Variants in ROBO1 observed in about 807,000 individuals in gnomAD.
ROBO1 encodes roundabout homolog 1.
A neutral mutation model predicts 195.9 loss-of-function variants in ROBO1; 149 were observed. The ratio of observed to expected loss-of-function variants is 0.76; its 90% CI spans 0.67 to 0.87. ROBO1 has a LOEUF of 0.87. ROBO1 is among the 40% of genes least tolerant of loss of function. The pLI, the probability that ROBO1 is intolerant of heterozygous loss-of-function variation, is 0.00. For missense variants in ROBO1, 1,933 were observed against 2,068.3 expected, an observed-to-expected ratio of 0.93 and a Z score of 1.27; for synonymous variants, 816 against 733.2, an observed-to-expected ratio of 1.11 and a Z score of -1.82.
chr3:78,743,924 T>A lies in ROBO1; in HGVS notation c.657+2819A>T, dbSNP rs115025740. On this transcript the variant is annotated intron_variant, in intron 5 of 30. Transcript: ENST00000464233. ...AAAAGCTGGGAAGTAGAGTGTTTCA[T>A]CCGCCAGAAGGACGGGAGAACTGCA... Among the ~76,000 whole-genome samples, 570 of 152,298 alleles carry A rather than the reference T, an allele frequency of 3.7e-3. 1 individual carries two copies. The highest frequency in any genetic ancestry group is 6.7e-3 in the Non-Finnish European group (457 of 68,026).
chr3:78,974,414 G>T (rs1291493762), intron 3 of ROBO1, among the ~76,000 whole-genome samples: 1 of 152,110 alleles, frequency 6.6e-6, no homozygotes, highest in Non-Finnish European at 1.5e-5. Flanking sequence ...CATGGTAGCG[G>T]CTGTGGATTC....
intron 2 of ROBO1, among the ~76,000 whole-genome samples, chr3:79,352,572 C>T (rs1329048902): frequency 6.6e-6 from 1 of 152,176 alleles, no homozygotes; most frequent in African/African-American, 2.4e-5. Flanking sequence ...TAGAGCTTCA[C>T]GTAACCACCA....
At chr3:79,264,753 T>A (rs1038296229) in intron 2 of ROBO1, among the ~76,000 whole-genome samples, 1 of 151,916 alleles carries the variant, frequency 6.6e-6, no homozygotes, top group Non-Finnish European at 1.5e-5. Context: ...ATACAAGGCA[T>A]TGAATGACAT....
chr3:78,956,435 G>A (rs1199661019), intron 3 of ROBO1, among the ~76,000 whole-genome samples: 1 of 152,004 alleles, frequency 6.6e-6, no homozygotes, highest in Non-Finnish European at 1.5e-5. Flanking sequence ...CTTGAGAGTG[G>A]TGTAATTCTT....
chr3:79,626,070 T>A (rs1945168993), intron 1 of ROBO1, among the ~76,000 whole-genome samples: 1 of 152,170 alleles, frequency 6.6e-6, no homozygotes, highest in African/African-American at 2.4e-5. Context: ...ATCCATCACA[T>A]AAACAGAACC....
chr3:79,068,928 T>C (rs559301943), intron 3 of ROBO1, among the ~76,000 whole-genome samples: 6 of 152,074 alleles, frequency 3.9e-5, no homozygotes, highest in Admixed American at 3.9e-4. Flanking sequence ...ATCATGCATA[T>C]TCTTTCTTCC....
chr3:78,675,454 A>C (rs1708355437), intron 10 of ROBO1, among the ~76,000 whole-genome samples: 1 of 152,010 alleles, frequency 6.6e-6, no homozygotes, highest in African/African-American at 2.4e-5. Context: ...AAATCGGGTC[A>C]CTCCCACCCT....
chr3:79,040,242 G>A (rs1366242557), intron 3 of ROBO1, among the ~76,000 whole-genome samples: 4 of 152,120 alleles, frequency 2.6e-5, no homozygotes, highest in African/African-American at 4.8e-5. Flanking sequence ...GATGTACGTC[G>A]CATCAATGGT....
At chr3:79,733,065 A>T (rs1703222010) in intron 1 of ROBO1, among the ~76,000 whole-genome samples, 1 of 152,190 alleles carries the variant, frequency 6.6e-6, no homozygotes. Flanking sequence ...TGAATCTTCC[A>T]TCAAATTACT....
intron 2 of ROBO1, among the ~76,000 whole-genome samples, chr3:79,163,617 G>T (rs897936477): frequency 6.6e-6 from 1 of 152,040 alleles, no homozygotes; most frequent in Non-Finnish European, 1.5e-5. Flanking sequence ...GTTTTTTACA[G>T]CAGTTGTATC....
At chr3:79,381,736 G>A (rs2036582269) in intron 2 of ROBO1, among the ~76,000 whole-genome samples, 1 of 151,722 alleles carries the variant, frequency 6.6e-6, no homozygotes, top group Admixed American at 6.6e-5. Flanking sequence ...AACTTTATTA[G>A]TTTTCCTACA....
At chr3:79,536,149 T>G (rs1941852583) in intron 2 of ROBO1, among the ~76,000 whole-genome samples, 1 of 152,176 alleles carries the variant, frequency 6.6e-6, no homozygotes, top group South Asian at 2.1e-4. Context: ...AGGATTGCTC[T>G]GAAATGCTCT....
intron 2 of ROBO1, among the ~76,000 whole-genome samples, chr3:79,147,090 ATTTTC>A (rs2080668524): frequency 6.6e-6 from 1 of 151,950 alleles, no homozygotes; most frequent in South Asian, 2.1e-4. Context: ...AATGTTCTGA[ATTTTC>A]TTTTCAAATA....
chr3:79,701,029 ATTC>A (rs1947607581), intron 1 of ROBO1, among the ~76,000 whole-genome samples: 1 of 151,804 alleles, frequency 6.6e-6, no homozygotes, highest in Non-Finnish European at 1.5e-5. Flanking sequence ...GTCCAGTTTC[ATTC>A]TTCTGCATAT....
intron 2 of ROBO1, among the ~76,000 whole-genome samples, chr3:79,559,647 G>A (rs879868203): frequency 2.0e-5 from 3 of 152,082 alleles, no homozygotes; most frequent in Non-Finnish European, 4.4e-5. Context: ...GGCTGGGTGC[G>A]GTGGCTCACA....
At chr3:79,581,866 C>T (rs956954627) in intron 2 of ROBO1, among the ~76,000 whole-genome samples, 1 of 151,894 alleles carries the variant, frequency 6.6e-6, no homozygotes, top group African/African-American at 2.4e-5. Flanking sequence ...ATTGAAAGAA[C>T]AAATCATATA....
chr3:79,285,430 A>C (rs1318717799), intron 2 of ROBO1, among the ~76,000 whole-genome samples: 1 of 152,240 alleles, frequency 6.6e-6, no homozygotes, highest in African/African-American at 2.4e-5. Flanking sequence ...CTTGAAACCC[A>C]GAATACTAGT....
chr3:79,507,759 T>G (rs547997831), intron 2 of ROBO1: 8 of 154,334 alleles, frequency 5.2e-5, no homozygotes, highest in Admixed American at 1.3e-4. Flanking sequence ...CAGGAAGGTA[T>G]CCATGATTTT....
At chr3:78,799,418 T>C (rs553049357) in intron 4 of ROBO1, among the ~76,000 whole-genome samples, 3 of 152,118 alleles carry the variant, frequency 2.0e-5, no homozygotes, top group Non-Finnish European at 4.4e-5. Context: ...CTCGGCTCAC[T>C]GCAAGCTCTG....
Sources: gnomAD v4.1 joint callset for allele counts (sites outside exome capture counted in the v4.1 genomes callset) on GRCh38, gnomAD v4.1.1 for gene constraint, MANE v1.5 for transcripts, NCBI Gene and HGNC (gene_info 2026-07-23, HGNC 2026-07-21) for gene names.